The following GFRAL variants were observed in gnomAD, a reference collection of about 807,000 sequenced individuals.
GFRAL encodes the protein GDNF family receptor alpha like.
A neutral mutation model predicts 45.4 loss-of-function variants in GFRAL; 36 were observed. The observed-to-expected ratio is 0.79, with a 90% CI of 0.61 to 1.05. The LOEUF (loss-of-function observed/expected upper bound fraction) is 1.05, where lower values mean the gene tolerates loss of function less well. GFRAL is among the 50% of genes least tolerant of loss of function. The pLI is 0.00. For synonymous variants in GFRAL, 166 were observed against 154.1 expected, an observed-to-expected ratio of 1.08 and a Z score of -0.57; for missense variants, 507 against 467.5, an observed-to-expected ratio of 1.08 and a Z score of -0.78.
chr6:55,333,782 T>C lies in GFRAL; in HGVS notation c.158-4T>C. 6.3e-7 allele frequency: 1 copy of C among 1,577,514 alleles called. No homozygotes were observed. Among genetic ancestry groups the C allele is most frequent in the African/African-American group, 1.4e-5 (1 of 73,548 alleles). On this transcript the variant is annotated splice_polypyrimidine_tract_variant and splice_region_variant and intron_variant, in intron 2 of 8. Coordinates refer to ENST00000340465, the MANE Select transcript of GFRAL (RefSeq NM_207410.2). ...ATCTATAGTGTTATGTGTTTGATTG[T>C]GAGATCCAGGTGACCCCTGCAAGAT...
chr6:55,345,753 AG>A (rs1449931503), intron 3 of GFRAL, among the ~76,000 whole-genome samples: 1 of 152,216 alleles, frequency 6.6e-6, no homozygotes, highest in African/African-American at 2.4e-5. Context: ...CAGAGTGAAC[AG>A]GCAACCTACA....
chr6:55,376,441 C>G (rs1167122897), intron 6 of GFRAL, among the ~76,000 whole-genome samples: 1 of 152,072 alleles, frequency 6.6e-6, no homozygotes, highest in Non-Finnish European at 1.5e-5. Context: ...ATGGTACCAG[C>G]TCTTCTTTGT....
At position 55,327,532 on chromosome 6, in the gene GFRAL, T is replaced by A; in HGVS notation, c.-23T>A. 1 of 1,612,300 alleles carries A rather than the reference T, an allele frequency of 6.2e-7. No homozygotes were observed. Among genetic ancestry groups the A allele is most frequent in the Non-Finnish European group, 8.5e-7 (1 of 1,178,944 alleles). On this transcript the variant is annotated 5_prime_UTR_variant, in exon 1 of 9. Coordinates refer to ENST00000340465, the MANE Select transcript of GFRAL (RefSeq NM_207410.2). ...AAACGCATCTGCCTTTTTTTCCAGG[T>A]GAACTGCCGTGAGTTGTCCAGCATG...
At chr6:55,365,835 A>T (rs192899278) in intron 6 of GFRAL, among the ~76,000 whole-genome samples, 3 of 149,900 alleles carry the variant, frequency 2.0e-5, no homozygotes, top group African/African-American at 4.9e-5. Flanking sequence ...TGCTGGATTC[A>T]TTTTGCCAGT....
chr6:55,372,435 C>G (rs1768463376), intron 6 of GFRAL, among the ~76,000 whole-genome samples: 1 of 152,070 alleles, frequency 6.6e-6, no homozygotes, highest in Non-Finnish European at 1.5e-5. Context: ...AAATAAGCTC[C>G]AGAAGCTCAG....
At chr6:55,342,684 C>T (rs6932436) in intron 3 of GFRAL, among the ~76,000 whole-genome samples, 73,210 of 151,036 alleles carry the variant, frequency 0.48, 19,135 homozygotes, top group Non-Finnish European at 0.6. Flanking sequence ...CAATATTAAC[C>T]TTAAATGTAA....
intron 6 of GFRAL, among the ~76,000 whole-genome samples, chr6:55,397,240 CGGG>C (rs1768837956): frequency 2.9e-5 from 4 of 139,418 alleles, no homozygotes; most frequent in African/African-American, 5.6e-5. Context: ...AAATGCCGGC[CGGG>C]CGCGGTGGCT....
At chr6:55,357,067 A>G (rs1768205034) in intron 5 of GFRAL, among the ~76,000 whole-genome samples, 1 of 151,880 alleles carries the variant, frequency 6.6e-6, no homozygotes, top group African/African-American at 2.4e-5. Flanking sequence ...ACTTGATATG[A>G]TTTCAAGTTT....
Position 55,333,916 on chromosome 6 carries a change from G to T in GFRAL, c.288G>T (p.Leu96=). ...TDDFYCTVNK[L]LGKKCINKSD... ...ACTTCTATTGTACTGTGAACAAACT[G>T]CTTGGAAAAAAATGTATCAATAAAT... is the stretch of plus-strand genomic sequence containing the variant. The change falls in exon 3 of 9, where the codon CTG becomes CTT. Residue 96 remains leucine, a synonymous_variant. Coordinates refer to ENST00000340465, the MANE Select transcript of GFRAL (RefSeq NM_207410.2). The T allele has an allele frequency of 6.4e-7, 1 of 1,554,436 alleles. No homozygotes were observed. The highest frequency in any genetic ancestry group is 1.2e-5 in the South Asian group (1 of 80,962).
At chr6:55,375,693 C>T (rs1328160433) in intron 6 of GFRAL, among the ~76,000 whole-genome samples, 1 of 151,752 alleles carries the variant, frequency 6.6e-6, no homozygotes, top group Non-Finnish European at 1.5e-5. Flanking sequence ...TGTCTTGTGT[C>T]ACTTTGCACA....
At chr6:55,366,633 A>G (rs1404256299) in intron 6 of GFRAL, among the ~76,000 whole-genome samples, 1 of 121,078 alleles carries the variant, frequency 8.3e-6, no homozygotes, top group Admixed American at 7.9e-5. Flanking sequence ...AGATTCTGGT[A>G]TGTTGTGTCT....
At position 55,342,543 on chromosome 6, in the gene GFRAL, A is replaced by T. The variant is rs1349664109; in HGVS notation, c.317-7549A>T. Among the ~76,000 whole-genome samples the T allele has an allele frequency of 8.3e-3, 1,262 of 151,166 alleles. 15 individuals are homozygous for T. The highest frequency in any genetic ancestry group is 0.014 in the Non-Finnish European group (972 of 67,172). ...AAGGAAGCACTAAACATGGAAAGGGACAACCGGTACCCAGCCACTGAAAAA... is the reference window on the plus strand; with the variant it reads ...AAGGAAGCACTAAACATGGAAAGGGTCAACCGGTACCCAGCCACTGAAAAA... On this transcript the variant is annotated intron_variant, in intron 3 of 8. Coordinates refer to ENST00000340465, the MANE Select transcript of GFRAL (RefSeq NM_207410.2).
intron 6 of GFRAL, among the ~76,000 whole-genome samples, chr6:55,375,462 CA>C (rs1768511338): frequency 6.6e-6 from 1 of 152,012 alleles, no homozygotes; most frequent in South Asian, 2.1e-4. Flanking sequence ...GTGATTTTTG[CA>C]CATTGATTTT....
chr6:55,338,913 A>G (rs1250336575), intron 3 of GFRAL, among the ~76,000 whole-genome samples: 3 of 152,158 alleles, frequency 2.0e-5, no homozygotes, highest in Non-Finnish European at 2.9e-5. Context: ...CATATTTTAA[A>G]TAGAGGAATG....
chr6:55,399,320 C>T (rs1432265405), intron 7 of GFRAL, 45 bp downstream of exon 7: 2 of 1,529,022 alleles, frequency 1.3e-6, no homozygotes, highest in Admixed American at 3.4e-5. Flanking sequence ...TTATTTATTT[C>T]CTCTAAAAAT....
rs1399743879 is a variant in GFRAL at position 55,401,976 on chromosome 6, C to A, written c.*123C>A. On this transcript the variant is annotated 3_prime_UTR_variant, in exon 9 of 9. Transcript: ENST00000340465. ...TCCCCTCCCCTCTCTGTTTCTTTTTCTTTTTCTTTTCTTTTTTGTGGCGGA... is the reference window on the plus strand; with the variant it reads ...TCCCCTCCCCTCTCTGTTTCTTTTTATTTTTCTTTTCTTTTTTGTGGCGGA... 4 of 605,396 alleles carry A rather than the reference C, an allele frequency of 6.6e-6. No individual in the cohort carries two copies. Among genetic ancestry groups the A allele is most frequent in the East Asian group, 3.1e-5 (1 of 32,220 alleles). 37.5% of individuals were successfully genotyped at this position (605,396 alleles called of 1,614,324 possible).
intron 6 of GFRAL, among the ~76,000 whole-genome samples, chr6:55,396,560 T>C (rs549488327): frequency 2.0e-5 from 3 of 151,914 alleles, no homozygotes; most frequent in African/African-American, 7.3e-5. Context: ...AGCTTTTTTT[T>C]AAAAAAGGCC....
intron 6 of GFRAL, among the ~76,000 whole-genome samples, chr6:55,363,024 T>A (rs892794400): frequency 1.4e-5 from 2 of 143,960 alleles, no homozygotes; most frequent in East Asian, 4.1e-4. Context: ...GGAGAAGAAG[T>A]AGGAGACAAA....
At chr6:55,332,924 A>T (rs987971092) in intron 2 of GFRAL, among the ~76,000 whole-genome samples, 3 of 152,146 alleles carry the variant, frequency 2.0e-5, no homozygotes, top group Non-Finnish European at 4.4e-5. Flanking sequence ...ACAGTAGAAC[A>T]TTGTTCTACA....
Sources: gnomAD v4.1 joint callset for allele counts (sites outside exome capture counted in the v4.1 genomes callset) on GRCh38, gnomAD v4.1.1 for gene constraint, MANE v1.5 for transcripts, NCBI Gene and HGNC (gene_info 2026-07-23, HGNC 2026-07-21) for gene names.